PTPRG: variants seen among roughly 807,000 people sequenced by gnomAD.
The protein encoded by PTPRG is receptor-type tyrosine-protein phosphatase gamma.
In PTPRG, 102 loss-of-function variants were observed where a neutral mutation model predicts 165.3. The observed-to-expected ratio is 0.62, with a 90% CI of 0.53 to 0.73. The LOEUF (loss-of-function observed/expected upper bound fraction) is 0.73. PTPRG is among the 30% of genes least tolerant of loss of function. The pLI, the probability that PTPRG is intolerant of heterozygous loss-of-function variation, is 0.00. For synonymous variants in PTPRG, 675 were observed against 669.5 expected, an observed-to-expected ratio of 1.01 and a Z score of -0.13; for missense variants, 1,866 against 1,861.4, an observed-to-expected ratio of 1.00 and a Z score of -0.05.
At chr3:61,829,173 G>A (rs575967075) in intron 2 of PTPRG, among the ~76,000 whole-genome samples, 61 of 152,312 alleles carry the variant, frequency 4.0e-4, no homozygotes, top group African/African-American at 1.3e-3. Flanking sequence ...CCCAACAAAG[G>A]CGAAGTAAAT....
intron 5 of PTPRG, among the ~76,000 whole-genome samples, chr3:62,127,997 G>A (rs1365290328): frequency 2.0e-5 from 3 of 152,120 alleles, no homozygotes; most frequent in Admixed American, 1.3e-4. Flanking sequence ...TTTCATGAGC[G>A]TTTATGTGAA....
chr3:61,664,250 C>T (rs564761016), intron 1 of PTPRG, among the ~76,000 whole-genome samples: 5 of 152,248 alleles, frequency 3.3e-5, no homozygotes, highest in South Asian at 2.1e-4. Context: ...TCACGCCCCT[C>T]GCATTTTTAA....
At chr3:61,758,553 A>G (rs1226161219) in intron 2 of PTPRG, among the ~76,000 whole-genome samples, 1 of 152,026 alleles carries the variant, frequency 6.6e-6, no homozygotes, top group Admixed American at 6.6e-5. Flanking sequence ...CTGGGTTCAA[A>G]CAATTCTCTT....
intron 11 of PTPRG, among the ~76,000 whole-genome samples, chr3:62,202,971 A>G (rs998566023): frequency 5.9e-5 from 9 of 152,212 alleles, no homozygotes; most frequent in African/African-American, 2.2e-4. Flanking sequence ...TCACAATTAT[A>G]AAACCATTAA....
In PTPRG at chr3:62,213,674, C is replaced by T. The variant is rs1700422482; in HGVS notation, c.2156-5177C>T. On this transcript the variant is annotated intron_variant, in intron 12 of 29. Transcript: ENST00000474889. This position sits in a 1 kb window ranked among gnomAD's most constrained non-coding sequence, Gnocchi z 4.4. ...GCAGAATTGCCCATCTTGTGGCACG[C>T]TGCAGCTGTTGTACCGAAAGGCCTA... 6.6e-6 allele frequency among the ~76,000 whole-genome samples: 1 copy of T among 152,152 alleles called. No homozygotes were observed. The highest frequency in any genetic ancestry group is 6.5e-5 in the Admixed American group (1 of 15,282).
At chr3:62,075,354 T>A (rs577811815) in intron 4 of PTPRG, among the ~76,000 whole-genome samples, 5 of 152,310 alleles carry the variant, frequency 3.3e-5, no homozygotes, top group Admixed American at 2.0e-4. Flanking sequence ...TTAAGTTTCT[T>A]TCTTGGGTTA....
chr3:61,951,528 G>C (rs1292006797), intron 2 of PTPRG, among the ~76,000 whole-genome samples: 1 of 152,120 alleles, frequency 6.6e-6, no homozygotes, highest in Non-Finnish European at 1.5e-5. Flanking sequence ...TACACATTTA[G>C]TTCTGGATTA....
At position 62,237,554 on chromosome 3, in the gene PTPRG, C is replaced by T. The variant is rs1701062269; in HGVS notation, c.2375+6243C>T. On this transcript the variant is annotated intron_variant, in intron 14 of 29. Transcript: ENST00000474889. This position sits in a 1 kb window ranked among gnomAD's most constrained non-coding sequence, Gnocchi z 4.5. The stretch of plus-strand genomic sequence containing the variant: ...CATCCTGACTAAAAGATGTACTCTG[C>T]ACGTTGTGTGTGCTCTGTTTTCCCA... 6.6e-6 allele frequency among the ~76,000 whole-genome samples: 1 copy of T among 152,192 alleles called. No individual in the cohort carries two copies. Among genetic ancestry groups the T allele is most frequent in the South Asian group, 2.1e-4 (1 of 4,830 alleles).
intron 4 of PTPRG, among the ~76,000 whole-genome samples, chr3:62,072,056 G>C (rs1259985860): frequency 1.3e-5 from 2 of 152,204 alleles, no homozygotes; most frequent in Non-Finnish European, 1.5e-5. Context: ...CATTTGTAAA[G>C]TCAAACTACA....
chr3:61,988,633 A>G (rs554368402), intron 2 of PTPRG, among the ~76,000 whole-genome samples: 1 of 152,300 alleles, frequency 6.6e-6, no homozygotes, highest in East Asian at 1.9e-4. Flanking sequence ...CTCATTGGGA[A>G]GCCTGTGTTT....
intron 1 of PTPRG, among the ~76,000 whole-genome samples, chr3:61,741,487 T>G (rs887280354): frequency 6.6e-6 from 1 of 152,218 alleles, no homozygotes; most frequent in Non-Finnish European, 1.5e-5. Context: ...TCTCCCAGGC[T>G]TCTAAGTCCT....
intron 2 of PTPRG, among the ~76,000 whole-genome samples, chr3:61,850,017 G>T (rs1331007904): frequency 6.6e-6 from 1 of 151,970 alleles, no homozygotes; most frequent in Non-Finnish European, 1.5e-5. Flanking sequence ...TCATTTCCTT[G>T]TTTCCTAACC....
At chr3:62,123,440 G>A (rs913678647) in intron 5 of PTPRG, among the ~76,000 whole-genome samples, 1 of 152,118 alleles carries the variant, frequency 6.6e-6, no homozygotes, top group African/African-American at 2.4e-5. Flanking sequence ...CTTCAGACAT[G>A]TTTTATTATA....
intron 10 of PTPRG, 42 bp from the exon 11 acceptor site, chr3:62,201,461 CAA>C (rs752947388): frequency 2.6e-6 from 4 of 1,519,868 alleles, no homozygotes; most frequent in Non-Finnish European, 3.6e-6. Flanking sequence ...GTTAGAGCCA[CAA>C]AAAAAGTTAT....
intron 8 of PTPRG, among the ~76,000 whole-genome samples, chr3:62,170,904 G>T (rs955341978): frequency 6.6e-6 from 1 of 152,074 alleles, no homozygotes; most frequent in Non-Finnish European, 1.5e-5. Context: ...AGAAACTCCC[G>T]TCTAGGATCT....
intron 2 of PTPRG, among the ~76,000 whole-genome samples, chr3:61,946,520 T>C (rs1001926330): frequency 3.3e-5 from 5 of 152,224 alleles, no homozygotes; most frequent in African/African-American, 1.2e-4. Context: ...TAGTGAGCTC[T>C]CCTGCCTTCA....
chr3:61,623,987 C>T lies in PTPRG; in HGVS notation c.85+61615C>T, dbSNP rs114046615. On this transcript the variant is annotated intron_variant, in intron 1 of 29. Transcript: ENST00000474889. ...AAAGTTCTGTTAGCCTCACTGCCTC[C>T]TTGCATTCAGGTGCTCAGTTTACCT... Among the ~76,000 whole-genome samples the T allele has an allele frequency of 6.8e-3, 1,041 of 152,288 alleles. 8 individuals carry two copies. The highest frequency in any genetic ancestry group is 0.024 in the African/African-American group (988 of 41,562).
At chr3:62,064,666 A>C (rs566099935) in intron 4 of PTPRG, among the ~76,000 whole-genome samples, 1 of 152,136 alleles carries the variant, frequency 6.6e-6, no homozygotes, top group South Asian at 2.1e-4. Context: ...AAATAATAAA[A>C]CAGGAAATCA....
chr3:61,762,079 G>A (rs2033858832), intron 2 of PTPRG, among the ~76,000 whole-genome samples: 1 of 152,186 alleles, frequency 6.6e-6, no homozygotes, highest in African/African-American at 2.4e-5. Flanking sequence ...GGCATTTTTA[G>A]TGTGTTTCTG....
Sources: allele counts gnomAD v4.1 joint callset (sites outside exome capture counted in the v4.1 genomes callset), GRCh38; gene constraint gnomAD v4.1.1; non-coding constraint Gnocchi (gnomAD v3.1); transcripts MANE v1.5; gene names NCBI Gene and HGNC (gene_info 2026-07-23, HGNC 2026-07-21).